Variants in PBX1 observed in about 807,000 individuals in gnomAD.
PBX1 encodes the protein PBX homeobox 1.
Under a neutral mutation model 53.4 loss-of-function variants are expected in PBX1, and 6 were observed. That is an observed-to-expected ratio of 0.11 (90% CI 0.06 to 0.22). PBX1 has a LOEUF of 0.22. Among genes scored for constraint, PBX1 ranks in the 10% least tolerant of loss-of-function variants. PBX1 has a pLI of 1.00. For missense variants in PBX1, 251 were observed against 551.4 expected (o/e 0.46, Z 5.46); for synonymous variants, 204 against 212.3 (o/e 0.96, Z 0.34).
At chr1:164,677,580 G>T in intron 2 of PBX1, among the ~76,000 whole-genome samples, 1 of 152,260 alleles carries the variant, frequency 6.6e-6, no homozygotes, top group African/African-American at 2.4e-5. Flanking sequence ...TATGTGGCAT[G>T]GGTTAAAAGT....
intron 7 of PBX1, 133 bp downstream of exon 7, chr1:164,820,317 A>G: frequency 1.7e-6 from 1 of 585,374 alleles, no homozygotes; most frequent in East Asian, 2.9e-5. Flanking sequence ...CAACGACCGA[A>G]CCAAAATCAA....
At chr1:164,800,663 A>G (rs976858319) in intron 4 of PBX1, among the ~76,000 whole-genome samples, 1 of 152,206 alleles carries the variant, frequency 6.6e-6, no homozygotes, top group Non-Finnish European at 1.5e-5. Flanking sequence ...TAAGATAGTA[A>G]TAGTCGTCAT....
chr1:164,814,143 T>C (rs1433837078), intron 6 of PBX1: 1 of 152,226 alleles, frequency 6.6e-6, no homozygotes, highest in Non-Finnish European at 1.5e-5. Context: ...ATAAATGGGC[T>C]TTTCTGTATT....
intron 2 of PBX1, chr1:164,774,650 A>T (rs1361582039): frequency 6.6e-6 from 1 of 152,176 alleles, no homozygotes; most frequent in Non-Finnish European, 1.5e-5. Context: ...AGCCAGAAAA[A>T]TCTGTTCAAA....
intron 2 of PBX1, among the ~76,000 whole-genome samples, chr1:164,704,133 A>G (rs1663289442): frequency 6.6e-6 from 1 of 152,180 alleles, no homozygotes; most frequent in Non-Finnish European, 1.5e-5. Flanking sequence ...AAAAAAAAGT[A>G]AAGTAGTCTT....
intron 2 of PBX1, among the ~76,000 whole-genome samples, chr1:164,702,176 T>C (rs1663160338): frequency 1.3e-5 from 2 of 148,734 alleles, no homozygotes; most frequent in Admixed American, 1.3e-4. Flanking sequence ...TATGAGACAA[T>C]TACCACGATG....
intron 3 of PBX1, among the ~76,000 whole-genome samples, chr1:164,797,063 G>T (rs1192033009): frequency 6.6e-6 from 1 of 152,132 alleles, no homozygotes; most frequent in African/African-American, 2.4e-5. Context: ...TCTGTTGTGT[G>T]TTCCTCAGCA....
intron 8 of PBX1, among the ~76,000 whole-genome samples, chr1:164,822,770 A>T (rs1445602349): frequency 6.6e-6 from 1 of 152,226 alleles, no homozygotes; most frequent in Non-Finnish European, 1.5e-5. Flanking sequence ...ATCATGAATG[A>T]TCTAAAGGGG....
At chr1:164,660,540 C>G (rs1050010311) in intron 2 of PBX1, among the ~76,000 whole-genome samples, 2 of 151,854 alleles carry the variant, frequency 1.3e-5, no homozygotes. Context: ...TCCTTGTCAC[C>G]CTATCAGCTA....
chr1:164,826,881 A>AC (rs1410144641), intron 8 of PBX1, among the ~76,000 whole-genome samples: 5 of 140,642 alleles, frequency 3.6e-5, no homozygotes, highest in African/African-American at 1.6e-4. Context: ...TTTATGACAC[A>AC]AAAAAAACTC....
rs78130048 is a variant in PBX1, at chr1:164,674,847, G to GCCCCCCCCCCC, written c.265+111541_265+111551dup. On this transcript the variant is annotated intron_variant, in intron 2 of 8. Transcript: ENST00000420696. ...TATTTAGTTAGAGGAAGAAATCACA[G>GCCCCCCCCCCC]CCCCCCCCCCCCCCCACCCACCACC... is the stretch of plus-strand genomic sequence containing the variant. The GCCCCCCCCCCC allele has an allele frequency of 7.4e-5, 3 of 40,614 alleles. 1 individual carries two copies. The highest frequency in any genetic ancestry group is 6.0e-4 in the Admixed American group (2 of 3,334). 2.5% of individuals were successfully genotyped at this position (40,614 alleles called of 1,614,324 possible).
chr1:164,636,635 AGAG>A (rs1388107085), intron 2 of PBX1, among the ~76,000 whole-genome samples: 2 of 152,186 alleles, frequency 1.3e-5, no homozygotes, highest in African/African-American at 2.4e-5. Context: ...GCTGCAGAGA[AGAG>A]CTTGAGAAGG....
intron 2 of PBX1, among the ~76,000 whole-genome samples, chr1:164,875,028 G>T (rs1672471679): frequency 6.6e-6 from 1 of 152,152 alleles, no homozygotes; most frequent in Non-Finnish European, 1.5e-5. Context: ...TAGAATGGAA[G>T]AAATACAACG....
intron 2 of PBX1, chr1:164,674,706 G>C (rs1661319655): frequency 6.6e-6 from 1 of 152,062 alleles, no homozygotes; most frequent in Non-Finnish European, 1.5e-5. Flanking sequence ...TAGCTTCAGG[G>C]GAGCAAAACT....
intron 2 of PBX1, among the ~76,000 whole-genome samples, chr1:164,669,470 T>A (rs1660999031): frequency 6.6e-6 from 1 of 152,182 alleles, no homozygotes; most frequent in Admixed American, 6.5e-5. Context: ...CAGATGTGGG[T>A]GTTGCAGGTG....
chr1:164,809,840 T>C (rs1323854903), intron 5 of PBX1, among the ~76,000 whole-genome samples: 2 of 152,158 alleles, frequency 1.3e-5, no homozygotes, highest in African/African-American at 4.8e-5. Context: ...ATACCAGAGC[T>C]ACTCTAAGTG....
At chr1:164,826,203 A>G (rs72698314) in intron 8 of PBX1, among the ~76,000 whole-genome samples, 4,581 of 152,308 alleles carry the variant, frequency 0.03, 119 homozygotes, top group Non-Finnish European at 0.048. Flanking sequence ...ACTAAATTGT[A>G]GATCATCCCT....
chr1:164,881,938 G>T (rs1672669877), intron 2 of PBX1, among the ~76,000 whole-genome samples: 1 of 152,050 alleles, frequency 6.6e-6, no homozygotes, highest in Non-Finnish European at 1.5e-5. Context: ...CTACCATCAG[G>T]TCCCACCCGC....
chr1:164,743,619 G>A (rs951894159), intron 2 of PBX1, among the ~76,000 whole-genome samples: 1 of 152,116 alleles, frequency 6.6e-6, no homozygotes. Context: ...ATCAGTTAAA[G>A]TTAAGTCTCT....
Sources: gnomAD v4.1 joint callset for allele counts (sites outside exome capture counted in the v4.1 genomes callset) on GRCh38, gnomAD v4.1.1 for gene constraint, MANE v1.5 for transcripts, NCBI Gene and HGNC (gene_info 2026-07-23, HGNC 2026-07-21) for gene names.